The following CAST variants were observed in gnomAD, a reference collection of about 807,000 sequenced individuals.
CAST encodes MIR583 host.
CAST carries 76 observed loss-of-function variants against 119.6 expected under a neutral mutation model. That is an observed-to-expected ratio of 0.64 (90% CI 0.53 to 0.77). The LOEUF is 0.77. Ranked by LOEUF, CAST falls within the 30% of genes least tolerant of loss-of-function variation. CAST has a pLI of 0.00. For missense variants in CAST, 953 were observed against 946.5 expected, an observed-to-expected ratio of 1.01 and a Z score of -0.09; for synonymous variants, 319 against 331.6, an observed-to-expected ratio of 0.96 and a Z score of 0.41.
intron 2 of CAST, among the ~76,000 whole-genome samples, chr5:96,692,141 C>T (rs145052353): frequency 1.6e-4 from 25 of 152,216 alleles, no homozygotes; most frequent in Admixed American, 3.9e-4. Context: ...ATTCTTTCCT[C>T]AGGGTGGATC....
At chr5:96,419,828 G>A in the CAST span, among the ~76,000 whole-genome samples, 2 of 151,950 alleles carry the variant, frequency 1.3e-5, no homozygotes, top group Non-Finnish European at 2.9e-5. Flanking sequence ...TAAATGCTGT[G>A]CTGTGAGATC....
chr5:95,995,294 C>T, the CAST span, among the ~76,000 whole-genome samples: 1 of 152,038 alleles, frequency 6.6e-6, no homozygotes, highest in Non-Finnish European at 1.5e-5. Context: ...TGTTGAGTTC[C>T]TGATTTTTAT....
the CAST span, among the ~76,000 whole-genome samples, chr5:96,450,813 G>A: frequency 1.3e-5 from 2 of 152,094 alleles, no homozygotes; most frequent in African/African-American, 4.8e-5. Flanking sequence ...ACAATGATGA[G>A]CCTCAGCACA....
At chr5:96,746,525 C>A in intron 17 of CAST, 100 bp downstream of exon 17, 1 of 792,322 alleles carries the variant, frequency 1.3e-6, no homozygotes, top group Non-Finnish European at 2.3e-6. Flanking sequence ...TGTCTGTCCC[C>A]CATTCAGATA....
intron 1 of CAST, among the ~76,000 whole-genome samples, chr5:96,619,968 T>TC (rs1747567591): frequency 6.6e-6 from 1 of 152,342 alleles, no homozygotes; most frequent in East Asian, 1.9e-4. Flanking sequence ...AGTTTCCACT[T>TC]CTGTAAAATA....
chr5:96,358,951 C>CTATTATTGTG, the CAST span, among the ~76,000 whole-genome samples: 1 of 152,026 alleles, frequency 6.6e-6, no homozygotes, highest in East Asian at 1.9e-4. Flanking sequence ...AAGTCTCCCA[C>CTATTATTGTG]TATTATTGTG....
At chr5:96,203,869 T>G in the CAST span, among the ~76,000 whole-genome samples, 1 of 152,006 alleles carries the variant, frequency 6.6e-6, no homozygotes, top group East Asian at 1.9e-4. Flanking sequence ...TTTAAAAAGT[T>G]GGTACTAAAC....
chr5:96,137,349 T>G, the CAST span, among the ~76,000 whole-genome samples: 47,440 of 152,052 alleles, frequency 0.31, 7,638 homozygotes, highest in Middle Eastern at 0.39. Flanking sequence ...ATAGCTCATT[T>G]TTTTATTGCT....
the CAST span, among the ~76,000 whole-genome samples, chr5:96,125,218 G>C: frequency 5.2e-4 from 79 of 152,254 alleles, 1 homozygote; most frequent in East Asian, 0.013. Context: ...GTTGGTGATA[G>C]GTTTTTGCTT....
chr5:96,048,276 G>T, the CAST span, among the ~76,000 whole-genome samples: 9 of 152,244 alleles, frequency 5.9e-5, 1 homozygote, highest in South Asian at 1.9e-3. Flanking sequence ...CTGAGAAAAG[G>T]CCAGAGTAAA....
At chr5:96,606,825 T>C (rs1747265251) in intron 1 of CAST, among the ~76,000 whole-genome samples, 1 of 152,202 alleles carries the variant, frequency 6.6e-6, no homozygotes, top group Non-Finnish European at 1.5e-5. Flanking sequence ...TCTTAGGGTG[T>C]AGTCCCCAGA....
rs1754342377 is a variant in CAST, at chr5:96,703,661, A to G, written c.210+7754A>G. Among the ~76,000 whole-genome samples, 4 of 152,320 alleles carry G rather than the reference A, an allele frequency of 2.6e-5. No homozygotes were observed. The South Asian group carries it at 8.3e-4, about 32-fold the overall frequency. ...AGAAAATGAGGCAGAGAGTTTAGAC[A>G]GCTTCCCTAAGGATCGGGACTTTGG... On this transcript the variant is annotated intron_variant, in intron 3 of 31. Transcript: ENST00000675179.
At chr5:96,100,280 G>A in the CAST span, among the ~76,000 whole-genome samples, 3 of 152,242 alleles carry the variant, frequency 2.0e-5, no homozygotes, top group African/African-American at 7.2e-5. Flanking sequence ...GTTGTATTTG[G>A]TGTATTAGAT....
the CAST span, among the ~76,000 whole-genome samples, chr5:96,395,480 A>G: frequency 7.2e-5 from 11 of 152,350 alleles, no homozygotes; most frequent in East Asian, 1.9e-3. Flanking sequence ...GAGTGAGTTC[A>G]TGTCCTCTGC....
chr5:96,771,782 C>A, intron 31 of CAST, 80 bp downstream of exon 31: 1 of 817,360 alleles, frequency 1.2e-6, no homozygotes. Flanking sequence ...GAAGTGAAGT[C>A]CACCTCTTGA....
At chr5:96,368,134 T>G in the CAST span, among the ~76,000 whole-genome samples, 1 of 152,056 alleles carries the variant, frequency 6.6e-6, no homozygotes, top group Non-Finnish European at 1.5e-5. Context: ...CCCCTTTCCT[T>G]TCCTTCCCTT....
chr5:96,458,608 CAGTT>C, the CAST span, among the ~76,000 whole-genome samples: 1 of 152,154 alleles, frequency 6.6e-6, no homozygotes, highest in Non-Finnish European at 1.5e-5. Context: ...GAATCTTACA[CAGTT>C]AGAGGCTCAG....
the CAST span, among the ~76,000 whole-genome samples, chr5:96,335,871 T>C: frequency 3.3e-5 from 5 of 152,294 alleles, no homozygotes; most frequent in East Asian, 9.6e-4. Flanking sequence ...CAACTGATCA[T>C]TACATCCTGA....
At chr5:96,721,628 A>C (rs778794891) in intron 3 of CAST, among the ~76,000 whole-genome samples, 5 of 152,196 alleles carry the variant, frequency 3.3e-5, no homozygotes, top group Non-Finnish European at 5.9e-5. Flanking sequence ...TTAAGAAGGC[A>C]GCTCATGCCA....
Sources: gnomAD v4.1 joint callset for allele counts (sites outside exome capture counted in the v4.1 genomes callset) on GRCh38, gnomAD v4.1.1 for gene constraint, MANE v1.5 for transcripts, NCBI Gene and HGNC (gene_info 2026-07-23, HGNC 2026-07-21) for gene names.